LRRFIP1: variants seen among roughly 807,000 people sequenced by gnomAD.
LRRFIP1 encodes leucine-rich repeat flightless-interacting protein 1.
A neutral mutation model predicts 104.4 loss-of-function variants in LRRFIP1; 62 were observed. The observed-to-expected ratio is 0.59, with a 90% CI of 0.48 to 0.73. LRRFIP1 has a LOEUF of 0.73. Ranked by LOEUF, LRRFIP1 falls within the 30% of genes least tolerant of loss-of-function variation. LRRFIP1 has a pLI of 0.00. For synonymous variants in LRRFIP1, 300 were observed against 299.0 expected (o/e 1.00, Z -0.03); for missense variants, 796 against 824.5 (o/e 0.97, Z 0.42).
At chr2:237,636,818 G>T (rs2083190873) in intron 1 of LRRFIP1, among the ~76,000 whole-genome samples, 1 of 152,210 alleles carries the variant, frequency 6.6e-6, no homozygotes, top group Non-Finnish European at 1.5e-5. Flanking sequence ...CCTCAGGCAG[G>T]GGCAAGCAGC....
chr2:237,777,489 G>A (rs1247206965), intron 23 of LRRFIP1, among the ~76,000 whole-genome samples: 1 of 152,084 alleles, frequency 6.6e-6, no homozygotes. Flanking sequence ...AATTCTGTGT[G>A]GTGGTCATTT....
At position 237,717,843 on chromosome 2, in the gene LRRFIP1, C is replaced by T. The variant is rs761613389; in HGVS notation, c.249+34C>T. On this transcript the variant is annotated intron_variant, in intron 4 of 23. Coordinates refer to ENST00000308482, the MANE Select transcript of LRRFIP1 (RefSeq NM_001137550.2). This position sits in a 1 kb window ranked among gnomAD's most constrained non-coding sequence, Gnocchi z 4.2. ...TGAATATAATTTTGTTTTTACTCTTCCCTCCCCACTTGAATACAGTGTTGA... is the reference window on the plus strand; with the variant it reads ...TGAATATAATTTTGTTTTTACTCTTTCCTCCCCACTTGAATACAGTGTTGA... 33 of 1,519,866 alleles carry T rather than the reference C, an allele frequency of 2.2e-5. No individual in the cohort carries two copies. In the Admixed American group the frequency reaches 5.0e-4, roughly 23 times the overall value. 94.1% of individuals were successfully genotyped at this position (1,519,866 alleles called of 1,614,324 possible).
rs771730651 is a variant in LRRFIP1 at position 237,735,366 on chromosome 2, C to T, written c.555+33C>T. 1.9e-5 allele frequency: 30 copies of T among 1,600,904 alleles called. No individual in the cohort carries two copies. In the Admixed American group the frequency reaches 2.4e-4, roughly 13 times the overall value. ...GCTTTCGGTGATACCTCCTTTCCCC[C>T]GTGCCTGCTGCATGGCCTGGGGATG... On this transcript the variant is annotated intron_variant, in intron 10 of 23. Transcript: ENST00000308482. This position sits in a 1 kb window ranked among gnomAD's most constrained non-coding sequence, Gnocchi z 4.6.
chr2:237,644,775 G>A (rs773494998), intron 1 of LRRFIP1, among the ~76,000 whole-genome samples: 50 of 152,340 alleles, frequency 3.3e-4, no homozygotes, highest in Non-Finnish European at 5.0e-4. Flanking sequence ...AATCCATGAC[G>A]ATTTCTCAGT....
At chr2:237,630,794 T>C (rs1408577508) in intron 1 of LRRFIP1, among the ~76,000 whole-genome samples, 1 of 152,240 alleles carries the variant, frequency 6.6e-6, no homozygotes, top group South Asian at 2.1e-4. Context: ...CGCAGCTGGT[T>C]GGGCTGGGCC....
intron 2 of LRRFIP1, among the ~76,000 whole-genome samples, chr2:237,710,382 C>T (rs1048229066): frequency 6.6e-6 from 1 of 151,802 alleles, no homozygotes; most frequent in Non-Finnish European, 1.5e-5. Context: ...CTCCTGGGTT[C>T]AAGCGATTCT....
At chr2:237,692,077 C>T in intron 1 of LRRFIP1, 5 of 414,092 alleles carry the variant, frequency 1.2e-5, no homozygotes, top group Non-Finnish European at 1.4e-5. Flanking sequence ...GGGGCGGGGG[C>T]GGTGGGGCGA....
At chr2:237,670,703 G>T (rs1319729671) in intron 1 of LRRFIP1, among the ~76,000 whole-genome samples, 1 of 152,226 alleles carries the variant, frequency 6.6e-6, no homozygotes, top group East Asian at 1.9e-4. Context: ...GGTCCTGCCT[G>T]CCTGGGCCCA....
chr2:237,663,862 A>G lies in LRRFIP1; in HGVS notation c.96+36122A>G, dbSNP rs529269893. Among the ~76,000 whole-genome samples the G allele has an allele frequency of 1.1e-4, 17 of 152,232 alleles. No individual in the cohort carries two copies. In the East Asian group the frequency reaches 3.3e-3, roughly 29 times the overall value. On this transcript the variant is annotated intron_variant, in intron 1 of 23. Coordinates refer to ENST00000308482, the MANE Select transcript of LRRFIP1 (RefSeq NM_001137550.2). The stretch of plus-strand genomic sequence containing the variant: ...AGGTTCACGTGCATTCGCCTGGGCC[A>G]TAGGGGAGAGGGGAGCCGTCAGCGG...
At position 237,655,097 on chromosome 2, in the gene LRRFIP1, C is replaced by T. The variant is rs1244657900; in HGVS notation, c.96+27357C>T. 5.8e-5 allele frequency among the ~76,000 whole-genome samples: 7 copies of T among 121,050 alleles called. 3 individuals are homozygous for T. Among genetic ancestry groups the T allele is most frequent in the African/African-American group, 2.5e-4 (7 of 28,004 alleles). The allele number at this position is 121,050 out of a possible 152,430, so 79.4% of individuals were successfully genotyped here. ...CAGAAAGACGAATACCACGTGATCT[C>T]ACTTCTTTTTTTTTTTTTTTTTTTT... is the stretch of plus-strand genomic sequence containing the variant. On this transcript the variant is annotated intron_variant, in intron 1 of 23. Transcript: ENST00000308482.
chr2:237,669,686 A>C (rs937593650), intron 1 of LRRFIP1, among the ~76,000 whole-genome samples: 1 of 152,140 alleles, frequency 6.6e-6, no homozygotes, highest in African/African-American at 2.4e-5. Context: ...CAGAGGAGTG[A>C]GTGCTAAAAG....
intron 2 of LRRFIP1, chr2:237,708,894 G>A (rs1252304459): frequency 6.8e-6 from 4 of 591,960 alleles, no homozygotes; most frequent in East Asian, 6.9e-5. Flanking sequence ...TTCTAGCTGC[G>A]AGGAGCCAAA....
chr2:237,630,073 C>A (rs944165278), intron 1 of LRRFIP1, among the ~76,000 whole-genome samples: 1 of 152,084 alleles, frequency 6.6e-6, no homozygotes, highest in Non-Finnish European at 1.5e-5. Flanking sequence ...TGTAACTAGG[C>A]GGTGGGTAAA....
chr2:237,692,200 C>A (rs867271031), intron 1 of LRRFIP1: 1 of 1,061,350 alleles, frequency 9.4e-7, no homozygotes, highest in Admixed American at 5.4e-5. Flanking sequence ...TCCCGCTTCC[C>A]CGGCGCCCTT....
chr2:237,667,818 G>GC (rs71039777), intron 1 of LRRFIP1, among the ~76,000 whole-genome samples: 14,900 of 152,128 alleles, frequency 0.098, 953 homozygotes, highest in Non-Finnish European at 0.15. Flanking sequence ...GACTGGCCCA[G>GC]CCCCCGAGCC....
intron 1 of LRRFIP1, among the ~76,000 whole-genome samples, chr2:237,667,970 G>T (rs1392457192): frequency 6.6e-6 from 1 of 151,964 alleles, no homozygotes; most frequent in African/African-American, 2.4e-5. Flanking sequence ...GCCACATTTG[G>T]CTTTACAACC....
intron 1 of LRRFIP1, among the ~76,000 whole-genome samples, chr2:237,645,764 A>G (rs2084806210): frequency 6.6e-6 from 1 of 151,954 alleles, no homozygotes; most frequent in South Asian, 2.1e-4. Context: ...AACAAGGGTG[A>G]GCAATGGAAT....
intron 12 of LRRFIP1, 67 bp downstream of exon 12, chr2:237,748,466 T>C: frequency 7.0e-7 from 1 of 1,421,446 alleles, no homozygotes; most frequent in Non-Finnish European, 9.7e-7. Context: ...GAAAATATGT[T>C]GCTTGGTTTT....
rs1461411785 is a variant in LRRFIP1, at chr2:237,649,090, C to T, written c.96+21350C>T. Among the ~76,000 whole-genome samples, 2 of 151,746 alleles carry T rather than the reference C, an allele frequency of 1.3e-5. No individual in the cohort carries two copies. The highest frequency in any genetic ancestry group is 6.6e-5 in the Admixed American group (1 of 15,238). ...CACGGAGGCTGCCCTGGGTCTTGGC[C>T]GGCCCCTGGAGCTGGAGGAGGTGCT... On this transcript the variant is annotated intron_variant, in intron 1 of 23. Coordinates refer to ENST00000308482, the MANE Select transcript of LRRFIP1 (RefSeq NM_001137550.2). This position sits in a 1 kb window ranked among gnomAD's most constrained non-coding sequence, Gnocchi z 4.1.
Sources: allele counts gnomAD v4.1 joint callset (sites outside exome capture counted in the v4.1 genomes callset), GRCh38; gene constraint gnomAD v4.1.1; non-coding constraint Gnocchi (gnomAD v3.1); transcripts MANE v1.5; gene names NCBI Gene and HGNC (gene_info 2026-07-23, HGNC 2026-07-21).